The following ADK variants were observed in gnomAD, a reference collection of about 807,000 sequenced individuals.
ADK encodes the protein N6,N6-dimethyladenosine kinase.
Under a neutral mutation model 44.7 loss-of-function variants are expected in ADK, and 24 were observed. The ratio of observed to expected loss-of-function variants is 0.54; its 90% CI spans 0.39 to 0.76. ADK has a LOEUF of 0.76. Ranked by LOEUF, ADK falls within the 30% of genes least tolerant of loss-of-function variation. The pLI, the probability that ADK is intolerant of heterozygous loss-of-function variation, is 0.00. For synonymous variants in ADK, 128 were observed against 142.6 expected (o/e 0.90, Z 0.73); for missense variants, 321 against 425.1 (o/e 0.76, Z 2.15).
At chr10:74,174,969 C>A (rs1842281500) in intron 1 of ADK, among the ~76,000 whole-genome samples, 1 of 152,194 alleles carries the variant, frequency 6.6e-6, no homozygotes, top group Non-Finnish European at 1.5e-5. Context: ...TTACTAATTT[C>A]ATTTTGTGAA....
intron 7 of ADK, among the ~76,000 whole-genome samples, chr10:74,542,582 C>G (rs1389297877): frequency 6.6e-6 from 1 of 152,066 alleles, no homozygotes; most frequent in Admixed American, 6.6e-5. Flanking sequence ...AAGGTTTACT[C>G]AGTAGTGTCG....
At chr10:74,462,738 C>T (rs571543686) in intron 6 of ADK, among the ~76,000 whole-genome samples, 3 of 152,168 alleles carry the variant, frequency 2.0e-5, no homozygotes, top group Non-Finnish European at 4.4e-5. Flanking sequence ...TCCAATGTGA[C>T]ATGTGTTTGT....
In ADK at chr10:74,314,648, T is replaced by C. The variant is rs375709878; in HGVS notation, c.195-19T>C. On this transcript the variant is annotated intron_variant, in intron 3 of 10. Transcript: ENST00000539909. ...TCACAGAAGGTAACTTACTTTTTTC[T>C]ACTGTGATTTCCTTATAGGTTTGAT... The C allele has an allele frequency of 4.5e-5, 72 of 1,590,538 alleles. No homozygotes were observed. The highest frequency in any genetic ancestry group is 2.9e-5 in the Non-Finnish European group (34 of 1,159,850).
At chr10:74,209,639 G>A (rs1843735338) in intron 2 of ADK, among the ~76,000 whole-genome samples, 1 of 151,056 alleles carries the variant, frequency 6.6e-6, no homozygotes, top group African/African-American at 2.4e-5. Context: ...TTAGAGACAA[G>A]TTTTTCTGTT....
rs548819700 is a variant in ADK, at chr10:74,456,512, G to A, written c.555+57933G>A. 8.6e-5 allele frequency among the ~76,000 whole-genome samples: 13 copies of A among 151,560 alleles called. No homozygotes were observed. The East Asian group carries it at 2.5e-3, about 29-fold the overall frequency. On this transcript the variant is annotated intron_variant, in intron 6 of 10. Coordinates refer to ENST00000539909, the MANE Select transcript of ADK (RefSeq NM_006721.4). ...ACATGGTGAAACTCTACTAAAAATA[G>A]AAAAATTAGCCGGGCGTGATGGCGG...
intron 8 of ADK, among the ~76,000 whole-genome samples, chr10:74,596,393 GTTGA>G (rs778130750): frequency 1.4e-4 from 22 of 151,938 alleles, no homozygotes; most frequent in Non-Finnish European, 2.8e-4. Flanking sequence ...TTATTGATTG[GTTGA>G]TTGATTGTTT....
intron 4 of ADK, among the ~76,000 whole-genome samples, chr10:74,370,364 C>T (rs1160884766): frequency 2.0e-5 from 3 of 152,044 alleles, no homozygotes; most frequent in African/African-American, 7.2e-5. Context: ...ATTTTTAATC[C>T]TAAGATGAAT....
chr10:74,584,039 A>T (rs1377491908), intron 7 of ADK, among the ~76,000 whole-genome samples: 1 of 152,152 alleles, frequency 6.6e-6, no homozygotes, highest in Non-Finnish European at 1.5e-5. Context: ...ACATACCATC[A>T]CTTTTGTCAT....
chr10:74,298,595 T>TA (rs1205647888), intron 3 of ADK, among the ~76,000 whole-genome samples: 3 of 151,838 alleles, frequency 2.0e-5, no homozygotes, highest in Non-Finnish European at 4.4e-5. Flanking sequence ...TTTTCAAAAA[T>TA]AAAAATAAAA....
At chr10:74,181,270 AAAT>A (rs1479810277) in intron 1 of ADK, among the ~76,000 whole-genome samples, 1 of 152,084 alleles carries the variant, frequency 6.6e-6, no homozygotes, top group African/African-American at 2.4e-5. Context: ...AGGAATTCCT[AAAT>A]AATAATTTTA....
intron 9 of ADK, among the ~76,000 whole-genome samples, chr10:74,602,918 T>G (rs1852190969): frequency 6.6e-6 from 1 of 152,234 alleles, no homozygotes. Context: ...AGTCCTCTAA[T>G]ACGGCTTGAT....
chr10:74,230,759 G>A (rs1421817999), intron 3 of ADK, among the ~76,000 whole-genome samples: 1 of 151,064 alleles, frequency 6.6e-6, no homozygotes, highest in Non-Finnish European at 1.5e-5. Flanking sequence ...TTGGCTCACT[G>A]CAATCTCCGC....
intron 10 of ADK, among the ~76,000 whole-genome samples, chr10:74,694,156 T>TATTTA (rs1476166890): frequency 6.9e-6 from 1 of 144,744 alleles, no homozygotes; most frequent in Non-Finnish European, 1.5e-5. Flanking sequence ...CATTTTTTTT[T>TATTTA]TTTTTTTTTT....
At chr10:74,597,550 T>A (rs1253838216) in intron 8 of ADK, among the ~76,000 whole-genome samples, 1 of 152,234 alleles carries the variant, frequency 6.6e-6, no homozygotes, top group African/African-American at 2.4e-5. Context: ...TCATGAACTT[T>A]ATACTTTTGA....
intron 4 of ADK, among the ~76,000 whole-genome samples, chr10:74,334,567 G>A (rs1841344348): frequency 6.6e-6 from 1 of 152,136 alleles, no homozygotes; most frequent in South Asian, 2.1e-4. Context: ...CTGCATCCAT[G>A]AATTAGTTAA....
At chr10:74,200,217 C>G (rs1175710264) in intron 1 of ADK, among the ~76,000 whole-genome samples, 3 of 130,308 alleles carry the variant, frequency 2.3e-5, no homozygotes, top group Non-Finnish European at 4.6e-5. Flanking sequence ...GGCACAGTGG[C>G]TCACACCTGT....
At chr10:74,554,155 G>C (rs574742011) in intron 7 of ADK, among the ~76,000 whole-genome samples, 3 of 152,170 alleles carry the variant, frequency 2.0e-5, no homozygotes, top group Admixed American at 2.0e-4. Context: ...GGAAACTGAT[G>C]TTCTTCCCAT....
At chr10:74,634,889 G>A (rs1203348302) in intron 9 of ADK, among the ~76,000 whole-genome samples, 1 of 152,100 alleles carries the variant, frequency 6.6e-6, no homozygotes, top group Non-Finnish European at 1.5e-5. Flanking sequence ...AGGTTGCAAT[G>A]AGCCGAGATA....
intron 10 of ADK, among the ~76,000 whole-genome samples, chr10:74,693,524 C>T (rs552472328): frequency 7.9e-5 from 12 of 152,216 alleles, no homozygotes; most frequent in South Asian, 2.1e-4. Context: ...ATTGCTATCA[C>T]GTGATAGCTA....
Sources: allele counts gnomAD v4.1 joint callset (sites outside exome capture counted in the v4.1 genomes callset), GRCh38; gene constraint gnomAD v4.1.1; transcripts MANE v1.5; gene names NCBI Gene and HGNC (gene_info 2026-07-23, HGNC 2026-07-21).